Variants in NPAS3 observed in about 807,000 individuals in gnomAD.
NPAS3 encodes neuronal PAS domain protein 3.
A neutral mutation model predicts 73.1 loss-of-function variants in NPAS3; 14 were observed. The ratio of observed to expected loss-of-function variants is 0.19; its 90% confidence interval spans 0.13 to 0.30. NPAS3 has a LOEUF of 0.30. Ranked by LOEUF, NPAS3 falls within the 10% of genes least tolerant of loss-of-function variation. The pLI, the probability that NPAS3 is intolerant of heterozygous loss-of-function variation, is 1.00. For missense variants in NPAS3, 1,096 were observed against 1,250.0 expected (o/e 0.88, Z 1.86); for synonymous variants, 620 against 541.5 (o/e 1.14, Z -2.01).
chr14:33,003,818 G>A (rs922756992), intron 1 of NPAS3, among the ~76,000 whole-genome samples: 6 of 152,124 alleles, frequency 3.9e-5, no homozygotes, highest in Non-Finnish European at 5.9e-5. Flanking sequence ...GACTTACTTC[G>A]GGTTAAGGCA....
At chr14:33,618,888 G>A (rs572897297) in intron 5 of NPAS3, among the ~76,000 whole-genome samples, 1 of 152,224 alleles carries the variant, frequency 6.6e-6, no homozygotes, top group South Asian at 2.1e-4. Flanking sequence ...CTCATGACCA[G>A]AAGGATTTGA....
intron 3 of NPAS3, among the ~76,000 whole-genome samples, chr14:33,300,778 G>C (rs2042497927): frequency 6.6e-6 from 1 of 152,060 alleles, no homozygotes; most frequent in African/African-American, 2.4e-5. Flanking sequence ...CCCCATGGAG[G>C]GGAGCATGGC....
At chr14:33,302,255 G>A (rs1352387873) in intron 3 of NPAS3, among the ~76,000 whole-genome samples, 1 of 152,112 alleles carries the variant, frequency 6.6e-6, no homozygotes, top group African/African-American at 2.4e-5. Context: ...CATTATTAAG[G>A]AATTAGGAAG....
chr14:32,991,856 G>T (rs931105697), intron 1 of NPAS3, among the ~76,000 whole-genome samples: 6 of 152,180 alleles, frequency 3.9e-5, no homozygotes, highest in African/African-American at 1.2e-4. Flanking sequence ...CAACTCAGAA[G>T]TCTGATGTTG....
chr14:33,801,276 C>T (rs2063709907), downstream of NPAS3: 2 of 1,356,040 alleles, frequency 1.5e-6, no homozygotes, highest in Non-Finnish European at 1.9e-6. Flanking sequence ...CTTATTCTTT[C>T]GTGTAAAGAT....
At chr14:33,386,512 CT>C (rs34867536) in intron 4 of NPAS3, among the ~76,000 whole-genome samples, 82,728 of 149,826 alleles carry the variant, frequency 0.55, 22,730 homozygotes, top group African/African-American at 0.6. Context: ...CAGTTTCAAT[CT>C]TTTTTTTTTT....
At chr14:33,769,623 T>G (rs1887068) in intron 7 of NPAS3, among the ~76,000 whole-genome samples, 55,118 of 152,006 alleles carry the variant, frequency 0.36, 10,179 homozygotes, top group Admixed American at 0.43. Flanking sequence ...CAAACCTTTC[T>G]TATGGAACAT....
intron 4 of NPAS3, among the ~76,000 whole-genome samples, chr14:33,548,297 G>T (rs1206030419): frequency 6.6e-6 from 1 of 152,190 alleles, no homozygotes. Flanking sequence ...TTCATCAAAT[G>T]TAGTGAATGG....
intron 2 of NPAS3, among the ~76,000 whole-genome samples, chr14:33,070,950 A>G (rs2041464340): frequency 6.6e-6 from 1 of 152,174 alleles, no homozygotes; most frequent in Admixed American, 6.5e-5. Flanking sequence ...CCTTTTTCTA[A>G]TAAGGAACTT....
At chr14:33,803,327 A>T (rs934977379), downstream of NPAS3, 1 of 152,266 alleles carries the variant, frequency 6.6e-6, no homozygotes, top group African/African-American at 2.4e-5. Context: ...CTAATATAGT[A>T]ACTCGGCTGT....
intron 3 of NPAS3, among the ~76,000 whole-genome samples, chr14:33,292,366 G>A (rs1594616545): frequency 6.6e-6 from 1 of 152,134 alleles, no homozygotes; most frequent in Non-Finnish European, 1.5e-5. Flanking sequence ...TGTCCTCGAC[G>A]TTTTCTGAGA....
intron 1 of NPAS3, among the ~76,000 whole-genome samples, chr14:32,946,348 GCACACACACACACA>G (rs3057257): frequency 6.5e-5 from 9 of 139,402 alleles, no homozygotes; most frequent in East Asian, 2.1e-4. Context: ...ACACACACGC[GCACACACACACACA>G]CACACACACA....
At chr14:33,406,717 A>G (rs1279724191) in intron 4 of NPAS3, among the ~76,000 whole-genome samples, 1 of 152,134 alleles carries the variant, frequency 6.6e-6, no homozygotes, top group African/African-American at 2.4e-5. Flanking sequence ...GCTGTTCCTG[A>G]TAGTTTTTAC....
intron 5 of NPAS3, among the ~76,000 whole-genome samples, chr14:33,596,767 G>A (rs1567040706): frequency 6.6e-6 from 1 of 152,164 alleles, no homozygotes; most frequent in African/African-American, 2.4e-5. Flanking sequence ...TAACTGGATT[G>A]TCATATATTC....
At chr14:33,699,947 T>C (rs939237051) in intron 6 of NPAS3, among the ~76,000 whole-genome samples, 2 of 152,130 alleles carry the variant, frequency 1.3e-5, no homozygotes, top group African/African-American at 4.8e-5. Flanking sequence ...CTCTGTGGCA[T>C]CATAAAATAC....
chr14:33,103,195 C>G (rs1056213766), intron 2 of NPAS3, among the ~76,000 whole-genome samples: 1 of 152,146 alleles, frequency 6.6e-6, no homozygotes, highest in African/African-American at 2.4e-5. Context: ...AAACCAGGCT[C>G]TCATGACAAA....
At chr14:33,461,216 T>C (rs2050249366) in intron 4 of NPAS3, among the ~76,000 whole-genome samples, 1 of 152,232 alleles carries the variant, frequency 6.6e-6, no homozygotes, top group South Asian at 2.1e-4. Flanking sequence ...TCTTTTCCCT[T>C]GCCTTTAGGA....
At chr14:33,596,332 T>C (rs1488638194) in intron 5 of NPAS3, among the ~76,000 whole-genome samples, 1 of 152,250 alleles carries the variant, frequency 6.6e-6, no homozygotes, top group African/African-American at 2.4e-5. Context: ...TCAAAATGTC[T>C]GTTTGCCTTA....
At chr14:33,198,273 C>G (rs1345185802) in intron 2 of NPAS3, among the ~76,000 whole-genome samples, 2 of 148,058 alleles carry the variant, frequency 1.4e-5, no homozygotes, top group Admixed American at 1.4e-4. Context: ...CCCCTGCTGG[C>G]TCAGGCAGCC....
Sources: gnomAD v4.1 joint callset for allele counts (sites outside exome capture counted in the v4.1 genomes callset) on GRCh38, gnomAD v4.1.1 for gene constraint, MANE v1.5 for transcripts, NCBI Gene and HGNC (gene_info 2026-07-23, HGNC 2026-07-21) for gene names.